SLC8A1: variants seen among roughly 807,000 people sequenced by gnomAD.
SLC8A1 encodes sodium/calcium exchanger 1.
Under a neutral mutation model 68.3 loss-of-function variants are expected in SLC8A1, and 18 were observed. That is an observed-to-expected ratio of 0.26 (90% CI 0.18 to 0.39). SLC8A1 has a LOEUF of 0.39. Among genes scored for constraint, SLC8A1 ranks in the 10% least tolerant of loss-of-function variants. The probability of loss-of-function intolerance (pLI) is 1.00; values close to 1 mark genes in which losing one functional copy is unlikely to be tolerated. For synonymous variants in SLC8A1, 475 were observed against 415.5 expected (o/e 1.14, Z -1.74); for missense variants, 985 against 1,156.7 (o/e 0.85, Z 2.15).
intron 2 of SLC8A1, among the ~76,000 whole-genome samples, chr2:40,305,436 T>C (rs77619980): frequency 0.012 from 1,820 of 152,314 alleles, 37 homozygotes; most frequent in African/African-American, 0.041. Context: ...TCTCTAGACA[T>C]TGCCAGATAG....
intron 7 of SLC8A1, among the ~76,000 whole-genome samples, chr2:40,127,610 T>G (rs1249727638): frequency 6.6e-6 from 1 of 152,194 alleles, no homozygotes; most frequent in African/African-American, 2.4e-5. Context: ...GGCCTATCTG[T>G]GGACCCCAGT....
At chr2:40,395,721 A>G (rs1361491698) in intron 2 of SLC8A1, among the ~76,000 whole-genome samples, 2 of 152,170 alleles carry the variant, frequency 1.3e-5, no homozygotes, top group Non-Finnish European at 2.9e-5. Context: ...TCAGAGTGAT[A>G]AGAACTCAAA....
At chr2:40,374,504 C>T (rs1380548741) in intron 2 of SLC8A1, among the ~76,000 whole-genome samples, 3 of 151,878 alleles carry the variant, frequency 2.0e-5, no homozygotes, top group Non-Finnish European at 4.4e-5. Context: ...ATAAACTGTA[C>T]ATTTTGCATA....
intron 2 of SLC8A1, among the ~76,000 whole-genome samples, chr2:40,300,524 C>T (rs1222548048): frequency 3.9e-5 from 6 of 152,146 alleles, no homozygotes; most frequent in Admixed American, 2.0e-4. Context: ...CGTGCCTCAG[C>T]GTAAGTCTGA....
chr2:40,130,078 G>GAAATAAGGAGTATGACTACCAACAA (rs1228685244), intron 7 of SLC8A1, among the ~76,000 whole-genome samples: 1 of 152,130 alleles, frequency 6.6e-6, no homozygotes, highest in Non-Finnish European at 1.5e-5. Context: ...CCCTTTGAGA[G>GAAATAAGGAGTATGACTACCAACAA]AAATAAGGAG....
intron 1 of SLC8A1, among the ~76,000 whole-genome samples, chr2:40,483,346 C>T (rs1013823386): frequency 6.6e-6 from 1 of 151,764 alleles, no homozygotes; most frequent in Non-Finnish European, 1.5e-5. Flanking sequence ...AGATACACAT[C>T]TGGCCCCCAG....
At chr2:40,395,292 C>T (rs971688014) in intron 2 of SLC8A1, among the ~76,000 whole-genome samples, 3 of 152,178 alleles carry the variant, frequency 2.0e-5, no homozygotes, top group African/African-American at 7.2e-5. Context: ...TGACTACATT[C>T]TTTCTAGTAT....
intron 2 of SLC8A1, among the ~76,000 whole-genome samples, chr2:40,391,535 GGAACCA>G (rs1441713298): frequency 6.6e-6 from 1 of 151,958 alleles, no homozygotes; most frequent in Admixed American, 6.6e-5. Flanking sequence ...GAATTTGACA[GGAACCA>G]TAAATACTTC....
chr2:40,497,019 A>G (rs1705753621), intron 1 of SLC8A1, among the ~76,000 whole-genome samples: 1 of 151,770 alleles, frequency 6.6e-6, no homozygotes, highest in African/African-American at 2.4e-5. Flanking sequence ...GCACATGTAT[A>G]CATATGTAAC....
chr2:40,218,930 CT>C (rs544217090), intron 2 of SLC8A1, among the ~76,000 whole-genome samples: 1 of 151,970 alleles, frequency 6.6e-6, no homozygotes, highest in Non-Finnish European at 1.5e-5. Flanking sequence ...CCCCTGAGTG[CT>C]TTTTTTAACT....
chr2:40,275,452 C>T (rs1015340470), intron 2 of SLC8A1, among the ~76,000 whole-genome samples: 2 of 152,174 alleles, frequency 1.3e-5, no homozygotes, highest in African/African-American at 2.4e-5. Context: ...TGAAGAACAA[C>T]TCTGAGGTTT....
chr2:40,448,293 GA>G (rs1250213853), intron 1 of SLC8A1, among the ~76,000 whole-genome samples: 1 of 152,120 alleles, frequency 6.6e-6, no homozygotes, highest in Non-Finnish European at 1.5e-5. Context: ...GAGAAAGAGA[GA>G]AAAAGAGATT....
intron 2 of SLC8A1, among the ~76,000 whole-genome samples, chr2:40,352,564 A>G (rs1358836541): frequency 6.6e-6 from 1 of 152,216 alleles, no homozygotes; most frequent in Non-Finnish European, 1.5e-5. Flanking sequence ...GGAAAAATAT[A>G]GCACATATCT....
At chr2:40,283,816 T>G (rs1041125731) in intron 2 of SLC8A1, among the ~76,000 whole-genome samples, 1 of 152,150 alleles carries the variant, frequency 6.6e-6, no homozygotes, top group African/African-American at 2.4e-5. Flanking sequence ...ACGGTTAGAC[T>G]TTCATTGACA....
At chr2:40,339,285 A>G (rs1666971242) in intron 2 of SLC8A1, among the ~76,000 whole-genome samples, 1 of 152,190 alleles carries the variant, frequency 6.6e-6, no homozygotes, top group Admixed American at 6.5e-5. Context: ...TTTAAAGATG[A>G]CCAGTGATTA....
chr2:40,253,164 TATATACACACAAATATAC>T (rs2063238656), intron 2 of SLC8A1, among the ~76,000 whole-genome samples: 1 of 133,952 alleles, frequency 7.5e-6, no homozygotes, highest in Non-Finnish European at 1.6e-5. Context: ...CATATATATG[TATATACACACAAATATAC>T]ATATATACAC....
chr2:40,242,082 A>G (rs1319159218), intron 2 of SLC8A1, among the ~76,000 whole-genome samples: 1 of 152,104 alleles, frequency 6.6e-6, no homozygotes, highest in African/African-American at 2.4e-5. Flanking sequence ...TTTTGACTAA[A>G]TATATTGTTA....
intron 2 of SLC8A1, among the ~76,000 whole-genome samples, chr2:40,181,496 T>C (rs1421931873): frequency 6.6e-6 from 1 of 152,168 alleles, no homozygotes; most frequent in East Asian, 1.9e-4. Flanking sequence ...CTAAAACAGA[T>C]GGAATTTGCA....
intron 2 of SLC8A1, among the ~76,000 whole-genome samples, chr2:40,303,288 T>C (rs1287499191): frequency 6.6e-6 from 1 of 152,168 alleles, no homozygotes; most frequent in Non-Finnish European, 1.5e-5. Flanking sequence ...AGATTTTACT[T>C]CAAGAGTTAT....
Sources: gnomAD v4.1 joint callset for allele counts (sites outside exome capture counted in the v4.1 genomes callset) on GRCh38, gnomAD v4.1.1 for gene constraint, MANE v1.5 for transcripts, NCBI Gene and HGNC (gene_info 2026-07-23, HGNC 2026-07-21) for gene names.